The following LRRTM4 variants were observed in gnomAD, a reference collection of about 807,000 sequenced individuals.
The protein encoded by LRRTM4 is leucine-rich repeat transmembrane neuronal protein 4.
A neutral mutation model predicts 47.6 loss-of-function variants in LRRTM4; 25 were observed. The ratio of observed to expected loss-of-function variants is 0.53; its 90% CI spans 0.38 to 0.73. The LOEUF (loss-of-function observed/expected upper bound fraction) is 0.73. Among genes scored for constraint, LRRTM4 ranks in the 30% least tolerant of loss-of-function variants. The pLI, the probability that LRRTM4 is intolerant of heterozygous loss-of-function variation, is 0.00. For missense variants in LRRTM4, 638 were observed against 713.4 expected (o/e 0.89, Z 1.20); for synonymous variants, 311 against 269.5 (o/e 1.15, Z -1.51).
intron 3 of LRRTM4, among the ~76,000 whole-genome samples, chr2:77,052,150 CT>C (rs70939841): frequency 0.37 from 23,180 of 62,966 alleles, 2,439 homozygotes; most frequent in Middle Eastern, 0.5. Context: ...GTTACATTTC[CT>C]TTTTTTTTTT....
chr2:76,804,642 C>T (rs1573138103), intron 3 of LRRTM4, among the ~76,000 whole-genome samples: 2 of 123,006 alleles, frequency 1.6e-5, no homozygotes, highest in African/African-American at 2.9e-5. Context: ...CATATATATA[C>T]TATATATATA....
chr2:77,059,678 T>C (rs965079300), intron 3 of LRRTM4, among the ~76,000 whole-genome samples: 1 of 152,188 alleles, frequency 6.6e-6, no homozygotes, highest in Non-Finnish European at 1.5e-5. Context: ...TTAACTCACA[T>C]ACAATGACAG....
intron 3 of LRRTM4, among the ~76,000 whole-genome samples, chr2:77,163,901 T>C (rs749248327): frequency 1.8e-4 from 27 of 152,196 alleles, no homozygotes; most frequent in Non-Finnish European, 3.4e-4. Flanking sequence ...ACTGCATCAA[T>C]TAATGAGCAA....
intron 3 of LRRTM4, among the ~76,000 whole-genome samples, chr2:77,292,297 C>T (rs1416745734): frequency 6.6e-6 from 1 of 151,016 alleles, no homozygotes; most frequent in African/African-American, 2.4e-5. Context: ...GGTGATTCCT[C>T]AGGGATCTAG....
At chr2:77,251,897 T>G (rs1430449965) in intron 3 of LRRTM4, among the ~76,000 whole-genome samples, 2 of 152,148 alleles carry the variant, frequency 1.3e-5, no homozygotes, top group Non-Finnish European at 2.9e-5. Flanking sequence ...TGGGTGGTGG[T>G]GATCACAGGT....
At chr2:77,173,737 G>A (rs1446129390) in intron 3 of LRRTM4, among the ~76,000 whole-genome samples, 1 of 152,042 alleles carries the variant, frequency 6.6e-6, no homozygotes, top group Non-Finnish European at 1.5e-5. Context: ...GAGTAAGTGG[G>A]ACTACAGGCA....
rs182174233 is a variant in LRRTM4, at chr2:77,214,968, C to T, written c.1551+303350G>A. Among the ~76,000 whole-genome samples the T allele has an allele frequency of 3.2e-3, 485 of 152,116 alleles. 2 individuals are homozygous for T. The highest frequency in any genetic ancestry group is 5.4e-3 in the Non-Finnish European group (364 of 67,974). On this transcript the variant is annotated intron_variant, in intron 3 of 3. Coordinates refer to ENST00000409884, the MANE Select transcript of LRRTM4 (RefSeq NM_001134745.3). ...TTTAGCTTAAATAAAATCAAAGTTC[C>T]AATGTAAGTTAATTGTCTTATGCTA... is the stretch of plus-strand genomic sequence containing the variant.
chr2:77,277,877 C>T (rs190791766), intron 3 of LRRTM4, among the ~76,000 whole-genome samples: 10 of 152,082 alleles, frequency 6.6e-5, no homozygotes, highest in Non-Finnish European at 1.5e-4. Context: ...AAAACTGCAG[C>T]TATTCATTTC....
At chr2:76,941,899 T>C (rs555471413) in intron 3 of LRRTM4, among the ~76,000 whole-genome samples, 37 of 152,136 alleles carry the variant, frequency 2.4e-4, no homozygotes, top group African/African-American at 8.7e-4. Context: ...CTGTCTTCCA[T>C]AATGGTTCAA....
intron 3 of LRRTM4, among the ~76,000 whole-genome samples, chr2:76,881,950 C>T (rs887558879): frequency 6.6e-6 from 1 of 152,100 alleles, no homozygotes; most frequent in Non-Finnish European, 1.5e-5. Context: ...ACTTAACTTC[C>T]TGATTGGTGA....
chr2:77,160,147 T>C (rs573768880), intron 3 of LRRTM4, among the ~76,000 whole-genome samples: 4 of 152,244 alleles, frequency 2.6e-5, no homozygotes, highest in African/African-American at 4.8e-5. Context: ...AATTCCTTGA[T>C]TGGCTGTGTT....
intron 3 of LRRTM4, among the ~76,000 whole-genome samples, chr2:77,127,883 G>T (rs1227263428): frequency 2.0e-5 from 3 of 152,144 alleles, no homozygotes; most frequent in African/African-American, 7.2e-5. Context: ...AGTGGCTCAC[G>T]CCTGTAATCC....
At chr2:77,439,131 A>G (rs943395815) in intron 3 of LRRTM4, among the ~76,000 whole-genome samples, 6 of 152,196 alleles carry the variant, frequency 3.9e-5, no homozygotes, top group African/African-American at 1.4e-4. Flanking sequence ...AAGTGAGGTG[A>G]AGCTGAAGAC....
Position 77,008,655 on chromosome 2 carries a change from GGT to G in LRRTM4, c.1552-259741_1552-259740del, listed in dbSNP as rs563876035. Among the ~76,000 whole-genome samples the G allele has an allele frequency of 1.3e-3, 205 of 152,154 alleles. 1 individual carries two copies. Among genetic ancestry groups the G allele is most frequent in the African/African-American group, 4.6e-3 (190 of 41,532 alleles). ...ACTATACTCTTGTCTTTCTTGTTGA[GGT>G]GTGTTTGCCATATAGCTCATCCTTT... On this transcript the variant is annotated intron_variant, in intron 3 of 3. Coordinates refer to ENST00000409884, the MANE Select transcript of LRRTM4 (RefSeq NM_001134745.3).
chr2:76,780,969 C>A (rs1674349721), intron 3 of LRRTM4, among the ~76,000 whole-genome samples: 1 of 152,220 alleles, frequency 6.6e-6, no homozygotes, highest in South Asian at 2.1e-4. Flanking sequence ...TGTTAGTTTT[C>A]CTTCTAACAG....
At chr2:76,830,707 CAAT>C (rs1168619247) in intron 3 of LRRTM4, among the ~76,000 whole-genome samples, 2 of 151,660 alleles carry the variant, frequency 1.3e-5, no homozygotes, top group Non-Finnish European at 2.9e-5. Context: ...GTCTTTAAAA[CAAT>C]AATGTTATAA....
intron 3 of LRRTM4, among the ~76,000 whole-genome samples, chr2:77,252,829 A>C (rs1675658934): frequency 6.6e-6 from 1 of 152,116 alleles, no homozygotes; most frequent in Non-Finnish European, 1.5e-5. Flanking sequence ...TATTCTCTTA[A>C]AGTTCTGGAT....
At chr2:77,082,893 C>T (rs1412049035) in intron 3 of LRRTM4, among the ~76,000 whole-genome samples, 2 of 151,954 alleles carry the variant, frequency 1.3e-5, no homozygotes, top group African/African-American at 4.8e-5. Context: ...TTTTATAACA[C>T]ATTACTTTAG....
At chr2:76,959,004 T>C (rs375591756) in intron 3 of LRRTM4, among the ~76,000 whole-genome samples, 6 of 151,658 alleles carry the variant, frequency 4.0e-5, no homozygotes, top group African/African-American at 9.6e-5. Flanking sequence ...CACACGGTCA[T>C]TGTTTTTCGG....
Sources: allele counts gnomAD v4.1 joint callset (sites outside exome capture counted in the v4.1 genomes callset), GRCh38; gene constraint gnomAD v4.1.1; transcripts MANE v1.5; gene names NCBI Gene and HGNC (gene_info 2026-07-23, HGNC 2026-07-21).